The following SENP7 variants were observed in gnomAD, a reference collection of about 807,000 sequenced individuals.
SENP7 encodes sentrin-specific protease 7.
Under a neutral mutation model 141.2 loss-of-function variants are expected in SENP7, and 64 were observed. The observed-to-expected ratio is 0.45, with a 90% CI of 0.37 to 0.56. The LOEUF (loss-of-function observed/expected upper bound fraction) is 0.56. Among genes scored for constraint, SENP7 ranks in the 20% least tolerant of loss-of-function variants. The pLI is 0.00. For synonymous variants in SENP7, 382 were observed against 426.4 expected, an observed-to-expected ratio of 0.90 and a Z score of 1.28; for missense variants, 1,025 against 1,212.2, an observed-to-expected ratio of 0.85 and a Z score of 2.29.
At chr3:101,487,648 G>T (rs1318847725) in intron 3 of SENP7, among the ~76,000 whole-genome samples, 1 of 152,172 alleles carries the variant, frequency 6.6e-6, no homozygotes, top group Admixed American at 6.5e-5. Flanking sequence ...TATGGTAAAA[G>T]GTAAGGGTCC....
intron 12 of SENP7, 54 bp downstream of exon 12, chr3:101,351,564 T>G (rs1220448817): frequency 7.9e-7 from 1 of 1,264,630 alleles, no homozygotes; most frequent in African/African-American, 1.6e-5. Context: ...TTTACTTAAA[T>G]TTATACTAAA....
intron 3 of SENP7, among the ~76,000 whole-genome samples, chr3:101,474,794 A>G (rs933207912): frequency 1.3e-5 from 2 of 152,160 alleles, no homozygotes; most frequent in African/African-American, 4.8e-5. Context: ...TTGCCCATTC[A>G]GTATGATGTT....
chr3:101,475,648 G>T (rs554997500), intron 3 of SENP7, among the ~76,000 whole-genome samples: 2 of 152,010 alleles, frequency 1.3e-5, no homozygotes, highest in East Asian at 3.9e-4. Flanking sequence ...CATGGCACAC[G>T]TTTACCTATT....
chr3:101,373,223 CA>C (rs1254927968), intron 6 of SENP7, among the ~76,000 whole-genome samples: 1 of 151,898 alleles, frequency 6.6e-6, no homozygotes, highest in Non-Finnish European at 1.5e-5. Flanking sequence ...ATTAAAAGGC[CA>C]AAATAATCAA....
intron 20 of SENP7, 125 bp downstream of exon 20, chr3:101,330,209 G>A (rs559167860): frequency 2.7e-4 from 157 of 576,556 alleles, no homozygotes; most frequent in Middle Eastern, 5.4e-4. Flanking sequence ...AACTGTCAAA[G>A]AATCACAAAG....
chr3:101,366,466 T>C lies in SENP7; in HGVS notation c.1282A>G (p.Asn428Asp). The C allele has an allele frequency of 6.2e-7, 1 of 1,612,268 alleles. No individual in the cohort carries two copies. Among genetic ancestry groups the C allele is most frequent in the Non-Finnish European group, 8.5e-7 (1 of 1,179,166 alleles). ...TIEKPILRGH[N>D]EGNQSLISAE... ...GAGATCAGTGATTGGTTCCCTTCAT[T>C]ATGTCCTCTTAGAATAGGCTTTTCT... Residue 428 changes from asparagine to aspartate, a missense_variant, in exon 9 of 24, where the codon AAT becomes GAT. Transcript: ENST00000394095.
chr3:101,448,040 A>G (rs1412839098), intron 4 of SENP7, among the ~76,000 whole-genome samples: 1 of 152,204 alleles, frequency 6.6e-6, no homozygotes, highest in Non-Finnish European at 1.5e-5. Context: ...ATGAATATCC[A>G]AAGGCAAAAA....
intron 4 of SENP7, among the ~76,000 whole-genome samples, chr3:101,427,940 T>C (rs2107699615): frequency 6.7e-6 from 1 of 149,176 alleles, no homozygotes; most frequent in South Asian, 2.2e-4. Context: ...AGTGAGAACA[T>C]GCAGTGTTTT....
Position 101,467,178 on chromosome 3 carries a change from G to T in SENP7, c.187-8126C>A, listed in dbSNP as rs571124778. On this transcript the variant is annotated intron_variant, in intron 3 of 23. Transcript: ENST00000394095. ...GCTTGAGTAGGTAAACAAAGTGGCC[G>T]GGCAGCTAGAACAGGGCAGAGCCCA... 3.3e-5 allele frequency among the ~76,000 whole-genome samples: 5 copies of T among 152,342 alleles called. No homozygotes were observed. In the East Asian group the frequency reaches 7.7e-4, roughly 24 times the overall value.
At chr3:101,392,050 G>A (rs529687606) in intron 6 of SENP7, among the ~76,000 whole-genome samples, 22 of 152,002 alleles carry the variant, frequency 1.4e-4, no homozygotes, top group Non-Finnish European at 2.9e-4. Flanking sequence ...AAAATAATAG[G>A]CACAGAAGTA....
intron 3 of SENP7, among the ~76,000 whole-genome samples, chr3:101,463,380 T>TAC (rs1553744721): frequency 5.5e-5 from 4 of 72,128 alleles, no homozygotes; most frequent in Non-Finnish European, 7.8e-5. Flanking sequence ...TATATATATA[T>TAC]ATATATATAT....
At chr3:101,355,268 G>A (rs1009989780) in intron 11 of SENP7, among the ~76,000 whole-genome samples, 7 of 151,944 alleles carry the variant, frequency 4.6e-5, no homozygotes, top group South Asian at 2.1e-4. Flanking sequence ...TGACATCCTC[G>A]TCATGAAATC....
intron 15 of SENP7, among the ~76,000 whole-genome samples, chr3:101,340,899 A>G (rs2059310220): frequency 6.6e-6 from 1 of 152,212 alleles, no homozygotes; most frequent in Non-Finnish European, 1.5e-5. Context: ...TCCGGGCTAT[A>G]ATCTTGGAAT....
Position 101,415,815 on chromosome 3 carries a change from T to C in SENP7, c.482+1778A>G, listed in dbSNP as rs73865623. On this transcript the variant is annotated intron_variant, in intron 5 of 23. Coordinates refer to ENST00000394095, the MANE Select transcript of SENP7 (RefSeq NM_020654.5). ...CCTTATTGTTTTGATAGCAACCTCA[T>C]TGTATTTTCACCAACTTATTACTTG... Among the ~76,000 whole-genome samples, 1,284 of 152,338 alleles carry C rather than the reference T, an allele frequency of 8.4e-3. 24 individuals are homozygous for C. Among genetic ancestry groups the C allele is most frequent in the African/African-American group, 0.029 (1,196 of 41,568 alleles).
intron 3 of SENP7, among the ~76,000 whole-genome samples, chr3:101,463,360 AATAAATATATATAT>A (rs1559864560): frequency 6.4e-5 from 3 of 46,972 alleles, no homozygotes; most frequent in African/African-American, 2.3e-4. Flanking sequence ...TAAATAAATA[AATAAATATATATAT>A]ATATATATAT....
At chr3:101,478,369 T>C (rs1034036664) in intron 3 of SENP7, among the ~76,000 whole-genome samples, 1 of 151,966 alleles carries the variant, frequency 6.6e-6, no homozygotes, top group Non-Finnish European at 1.5e-5. Flanking sequence ...AAAAAATTTT[T>C]AATTAGCCAG....
At chr3:101,497,388 A>G (rs1262171105) in intron 2 of SENP7, among the ~76,000 whole-genome samples, 1 of 152,178 alleles carries the variant, frequency 6.6e-6, no homozygotes. Context: ...GGGTTTCTAA[A>G]TATCATCCTT....
intron 5 of SENP7, among the ~76,000 whole-genome samples, chr3:101,413,515 A>G (rs199761344): frequency 1.3e-5 from 2 of 152,204 alleles, no homozygotes; most frequent in Non-Finnish European, 2.9e-5. Flanking sequence ...TGAGCATTTA[A>G]TAAGTGTCCA....
chr3:101,429,108 T>G (rs1019210638), intron 4 of SENP7, among the ~76,000 whole-genome samples: 8 of 152,212 alleles, frequency 5.3e-5, no homozygotes, highest in Non-Finnish European at 1.2e-4. Flanking sequence ...GTAGTATAGT[T>G]TGAAGTCAGG....
Sources: allele counts gnomAD v4.1 joint callset (sites outside exome capture counted in the v4.1 genomes callset), GRCh38; gene constraint gnomAD v4.1.1; transcripts MANE v1.5; gene names NCBI Gene and HGNC (gene_info 2026-07-23, HGNC 2026-07-21).